The following PREX2 variants were observed in gnomAD, a reference collection of about 807,000 sequenced individuals.
PREX2 encodes the protein phosphatidylinositol-3,4,5-trisphosphate dependent Rac exchange factor 2.
In PREX2, 107 loss-of-function variants were observed where a neutral mutation model predicts 203.2. The ratio of observed to expected loss-of-function variants is 0.53; its 90% CI spans 0.45 to 0.62. PREX2 has a LOEUF of 0.62. Among genes scored for constraint, PREX2 ranks in the 20% least tolerant of loss-of-function variants. PREX2 has a pLI of 0.00. For synonymous variants in PREX2, 672 were observed against 663.6 expected, an observed-to-expected ratio of 1.01 and a Z score of -0.19; for missense variants, 1,777 against 1,955.9, an observed-to-expected ratio of 0.91 and a Z score of 1.72.
At chr8:68,129,662 C>G (rs1050397831) in intron 31 of PREX2, among the ~76,000 whole-genome samples, 2 of 151,990 alleles carry the variant, frequency 1.3e-5, no homozygotes, top group Admixed American at 1.3e-4. Flanking sequence ...TTTAGACCAG[C>G]TAGCTAATTA....
chr8:68,192,909 A>G (rs912123599), intron 37 of PREX2, among the ~76,000 whole-genome samples: 15 of 152,188 alleles, frequency 9.9e-5, no homozygotes, highest in African/African-American at 2.4e-4. Flanking sequence ...AGTGGTTCCA[A>G]TCCTTACAAC....
intron 14 of PREX2, among the ~76,000 whole-genome samples, chr8:68,075,775 CAG>C (rs1473914225): frequency 6.6e-6 from 1 of 152,148 alleles, no homozygotes; most frequent in Non-Finnish European, 1.5e-5. Flanking sequence ...GGGCCAGATG[CAG>C]AGTCTGAAGT....
chr8:68,013,348 A>G (rs1807320206), intron 1 of PREX2, among the ~76,000 whole-genome samples: 3 of 152,180 alleles, frequency 2.0e-5, no homozygotes, highest in South Asian at 4.1e-4. Flanking sequence ...GTGACAATCA[A>G]CTTTTTACTG....
chr8:67,971,741 G>A (rs1480612373), intron 1 of PREX2, among the ~76,000 whole-genome samples: 3 of 152,156 alleles, frequency 2.0e-5, no homozygotes, highest in African/African-American at 4.8e-5. Flanking sequence ...TACTGTTAGT[G>A]GAAAAGATAT....
intron 8 of PREX2, among the ~76,000 whole-genome samples, chr8:68,050,145 A>G (rs1252213914): frequency 1.3e-5 from 2 of 152,146 alleles, no homozygotes; most frequent in Non-Finnish European, 2.9e-5. Flanking sequence ...TTAAAAGGGA[A>G]CATTATTTCT....
At chr8:68,171,314 A>G (rs986204107) in intron 35 of PREX2, among the ~76,000 whole-genome samples, 3 of 152,210 alleles carry the variant, frequency 2.0e-5, no homozygotes, top group African/African-American at 4.8e-5. Context: ...TAGAAGGAAG[A>G]TAGATATTTT....
At chr8:68,155,003 T>C (rs1585832630) in intron 34 of PREX2, among the ~76,000 whole-genome samples, 1 of 152,170 alleles carries the variant, frequency 6.6e-6, no homozygotes, top group South Asian at 2.1e-4. Context: ...GAAATAGATA[T>C]TATCTTGTGG....
intron 35 of PREX2, among the ~76,000 whole-genome samples, chr8:68,184,774 G>A (rs1452417798): frequency 6.6e-6 from 1 of 152,138 alleles, no homozygotes; most frequent in African/African-American, 2.4e-5. Context: ...TTTGCCAGAT[G>A]AGAAGAATGC....
intron 6 of PREX2, among the ~76,000 whole-genome samples, chr8:68,034,278 C>T (rs1271042414): frequency 6.6e-6 from 1 of 152,078 alleles, no homozygotes; most frequent in Non-Finnish European, 1.5e-5. Flanking sequence ...AATTGTGGAG[C>T]ACTGATTAAT....
chr8:68,170,833 C>G (rs1224387765), intron 35 of PREX2, among the ~76,000 whole-genome samples: 1 of 152,060 alleles, frequency 6.6e-6, no homozygotes, highest in African/African-American at 2.4e-5. Context: ...TTTCCCTGCC[C>G]CACTTAAAGG....
chr8:68,007,876 TG>T (rs2129609902), intron 1 of PREX2, among the ~76,000 whole-genome samples: 1 of 152,358 alleles, frequency 6.6e-6, no homozygotes, highest in South Asian at 2.1e-4. Context: ...CCCAAAGTGC[TG>T]GGATTACAGG....
chr8:68,118,947 AT>A, intron 27 of PREX2: 1 of 538,788 alleles, frequency 1.9e-6, no homozygotes, highest in South Asian at 1.5e-5. Flanking sequence ...TACTGGAAGT[AT>A]TAGGCATGGT....
At chr8:68,027,484 G>A (rs1585717663) in intron 5 of PREX2, among the ~76,000 whole-genome samples, 161 bp downstream of exon 5, 1 of 151,978 alleles carries the variant, frequency 6.6e-6, no homozygotes, top group Admixed American at 6.6e-5. Flanking sequence ...TATATATAGT[G>A]TAGGAAACAG....
chr8:68,193,408 AC>A (rs1353170557), intron 37 of PREX2, among the ~76,000 whole-genome samples: 2 of 152,146 alleles, frequency 1.3e-5, no homozygotes, highest in African/African-American at 4.8e-5. Flanking sequence ...GGTTTGCTGC[AC>A]CCATCAACCC....
intron 20 of PREX2, among the ~76,000 whole-genome samples, chr8:68,091,194 C>G (rs1397122471): frequency 6.6e-6 from 1 of 152,124 alleles, no homozygotes; most frequent in African/African-American, 2.4e-5. Context: ...GGATTTAGCT[C>G]TTAAAGGAAA....
chr8:67,982,474 A>G (rs2129609239), intron 1 of PREX2, among the ~76,000 whole-genome samples: 1 of 152,288 alleles, frequency 6.6e-6, no homozygotes, highest in Admixed American at 6.5e-5. Flanking sequence ...TGCTGTTTGC[A>G]ATTGTAATAC....
chr8:68,022,190 C>G, intron 4 of PREX2, 50 bp downstream of exon 4: 1 of 905,122 alleles, frequency 1.1e-6, no homozygotes, highest in South Asian at 1.3e-5. Context: ...TTGCTAGATC[C>G]AGTGAGAGCC....
chr8:68,204,685 T>C (rs12547568), intron 37 of PREX2, among the ~76,000 whole-genome samples: 14 of 136,702 alleles, frequency 1.0e-4, no homozygotes, highest in African/African-American at 3.3e-4. Context: ...TTTCTTTTTT[T>C]TTTTTTTTTT....
chr8:68,086,868 A>G (rs965808512), intron 18 of PREX2, among the ~76,000 whole-genome samples: 3 of 152,160 alleles, frequency 2.0e-5, no homozygotes, highest in African/African-American at 7.2e-5. Flanking sequence ...TTTTCTTAAA[A>G]TATTTTGATA....
Sources: allele counts gnomAD v4.1 joint callset (sites outside exome capture counted in the v4.1 genomes callset), GRCh38; gene constraint gnomAD v4.1.1; transcripts MANE v1.5; gene names NCBI Gene and HGNC (gene_info 2026-07-23, HGNC 2026-07-21).